TMEM220: variants seen among roughly 807,000 people sequenced by gnomAD.
TMEM220 encodes the protein transmembrane protein 220.
A neutral mutation model predicts 21.7 loss-of-function variants in TMEM220; 21 were observed. The observed-to-expected ratio is 0.97, with a 90% CI of 0.69 to 1.39. The LOEUF (loss-of-function observed/expected upper bound fraction) is 1.39. Among genes scored for constraint, TMEM220 ranks in the 40% most tolerant of loss-of-function variants. The pLI is 0.00. For synonymous variants in TMEM220, 80 were observed against 73.6 expected, an observed-to-expected ratio of 1.09 and a Z score of -0.45; for missense variants, 191 against 201.9, an observed-to-expected ratio of 0.95 and a Z score of 0.33.
chr17:10,711,740 G>T (rs1319424299), downstream of TMEM220, among the ~76,000 whole-genome samples: 1 of 152,186 alleles, frequency 6.6e-6, no homozygotes, highest in Non-Finnish European at 1.5e-5. Flanking sequence ...CACCTGGCCT[G>T]GTCTGTTTGG....
In TMEM220 at chr17:10,715,371, A is replaced by G. The variant is rs2074900168; in HGVS notation, c.*82T>C. On this transcript the variant is annotated 3_prime_UTR_variant, in exon 6 of 6. Transcript: ENST00000341871. Reference sequence around the variant, plus strand: ...AAACTATTAGCCCAAATTACCTGAAATAAACTCCTGGCTTGTTCCCCTAAT... The same window carrying G: ...AAACTATTAGCCCAAATTACCTGAAGTAAACTCCTGGCTTGTTCCCCTAAT... 3 of 1,377,220 alleles carry G rather than the reference A, an allele frequency of 2.2e-6. No individual in the cohort carries two copies. In the African/African-American group the frequency reaches 4.5e-5, roughly 21 times the overall value. The allele number at this position is 1,377,220 out of a possible 1,614,324, so 85.3% of individuals were successfully genotyped here. A position where few individuals can be genotyped will look rare whatever the true frequency, so the allele number is the denominator to read the frequency against.
At position 10,722,714 on chromosome 17, in the gene TMEM220, T is replaced by G. The variant is rs556251034; in HGVS notation, c.347+556A>C. On this transcript the variant is annotated intron_variant, in intron 5 of 5. Coordinates refer to ENST00000341871, the MANE Select transcript of TMEM220 (RefSeq NM_001004313.3). ...ACACGCACTTATATTGTCTTTGCTC[T>G]TCATTCTTTCGTGAATCTCTAAGTT... Among the ~76,000 whole-genome samples, 6 of 152,326 alleles carry G rather than the reference T, an allele frequency of 3.9e-5. No homozygotes were observed. The South Asian group carries it at 1.2e-3, about 32-fold the overall frequency.
At chr17:10,723,244 G>A (rs765444334) in intron 5 of TMEM220, 26 bp downstream of exon 5, 3 of 1,609,070 alleles carry the variant, frequency 1.9e-6, no homozygotes, top group Non-Finnish European at 2.6e-6. Flanking sequence ...CTCCCAAAGT[G>A]AAGATGTGAT....
chr17:10,715,624 A>G, intron 5 of TMEM220, 36 bp from the exon 6 acceptor site: 1 of 1,511,126 alleles, frequency 6.6e-7, no homozygotes, highest in Non-Finnish European at 8.8e-7. Flanking sequence ...AATAAAAATC[A>G]TGGATTGCTT....
chr17:10,728,575 T>G (rs1445696722), intron 2 of TMEM220, among the ~76,000 whole-genome samples: 1 of 152,186 alleles, frequency 6.6e-6, no homozygotes, highest in Non-Finnish European at 1.5e-5. Flanking sequence ...CCTCCCAGAG[T>G]GCTGAGATTG....
chr17:10,724,700 A>G (rs1347330693), intron 4 of TMEM220, among the ~76,000 whole-genome samples: 1 of 152,122 alleles, frequency 6.6e-6, no homozygotes, highest in Non-Finnish European at 1.5e-5. Flanking sequence ...GATCGGACTG[A>G]GTATTACTGT....
chr17:10,723,853 TA>T (rs1428532056), intron 4 of TMEM220, among the ~76,000 whole-genome samples: 1 of 152,204 alleles, frequency 6.6e-6, no homozygotes, highest in Non-Finnish European at 1.5e-5. Context: ...GGGGTGGGTA[TA>T]TGCTTCTATA....
rs2075105207 is a variant in TMEM220, at chr17:10,729,848, C to T, written c.4G>A (p.Ala2Thr). The T allele has an allele frequency of 3.0e-6, 4 of 1,355,266 alleles. No homozygotes were observed. Among genetic ancestry groups the T allele is most frequent in the South Asian group, 1.7e-5 (1 of 58,206 alleles). 84.0% of individuals were successfully genotyped at this position (1,355,266 alleles called of 1,614,324 possible). The change falls in exon 1 of 6, where the codon GCG becomes ACG. Residue 2 changes from alanine to threonine, a missense_variant. Physicochemically the swap from Ala to Thr is moderately conservative, Grantham distance 58. Transcript: ENST00000341871. ...TTGCAGGCCCGCCACAGCGCTGGCGCCATGGCTCGGAGAACACGGCGCGGG... is the reference window on the plus strand; with the variant it reads ...TTGCAGGCCCGCCACAGCGCTGGCGTCATGGCTCGGAGAACACGGCGCGGG... M[A>T]PALWRACNGL...
At chr17:10,718,826 T>G (rs958869733) in intron 5 of TMEM220, among the ~76,000 whole-genome samples, 4 of 152,248 alleles carry the variant, frequency 2.6e-5, no homozygotes, top group African/African-American at 7.2e-5. Context: ...CCTTTAAAAT[T>G]TGTTAGTACT....
rs1294711060 is a variant in TMEM220, at chr17:10,715,559, G to A, written c.377C>T (p.Ala126Val). ...GAAAAGTGTGATTACAATGGCAATA[G>A]CCAATTGAATTCTTCCACCAACTGG... ...KNPVGGRIQL[A>V]IAIVITLFPF... is the part of the protein sequence containing the mutation. The change falls in exon 6 of 6, where the codon GCT becomes GTT. Residue 126 changes from alanine (A) to valine (V), a missense_variant. Coordinates refer to ENST00000341871, the MANE Select transcript of TMEM220 (RefSeq NM_001004313.3). The A allele has an allele frequency of 3.1e-6, 5 of 1,595,540 alleles. No individual in the cohort carries two copies. The highest frequency in any genetic ancestry group is 1.7e-4 in the Middle Eastern group (1 of 6,042).
intron 5 of TMEM220, chr17:10,716,048 C>T (rs557931957): frequency 1.6e-6 from 1 of 633,808 alleles, no homozygotes; most frequent in Non-Finnish European, 2.9e-6. Flanking sequence ...CTCCCACCCC[C>T]CCATGTCCAC....
intron 1 of TMEM220, 118 bp from the exon 2 acceptor site, chr17:10,729,178 G>A: frequency 2.6e-6 from 3 of 1,173,068 alleles, no homozygotes; most frequent in South Asian, 2.6e-5. Flanking sequence ...AATAGGCATC[G>A]AGGGTACAAA....
chr17:10,712,533 C>T (rs2074861145), downstream of TMEM220, among the ~76,000 whole-genome samples: 1 of 152,172 alleles, frequency 6.6e-6, no homozygotes, highest in South Asian at 2.1e-4. Context: ...ATTAGACAGA[C>T]ATCCATGATT....
In TMEM220 at chr17:10,715,840, A is replaced by G. The variant is rs147382106; in HGVS notation, c.348-252T>C. ...AGAGAAGTCATTGATTAATTTGACA[A>G]TGTTAAAGTTGATCTTTTCCTAATG... On this transcript the variant is annotated intron_variant, in intron 5 of 5. Coordinates refer to ENST00000341871, the MANE Select transcript of TMEM220 (RefSeq NM_001004313.3). 9.3e-4 allele frequency among the ~76,000 whole-genome samples: 141 copies of G among 152,298 alleles called. 1 individual carries two copies. The East Asian group carries it at 0.022, about 24-fold the overall frequency.
At chr17:10,729,615 G>A (rs1036047932) in intron 1 of TMEM220, among the ~76,000 whole-genome samples, 165 bp downstream of exon 1, 12 of 152,168 alleles carry the variant, frequency 7.9e-5, no homozygotes, top group Non-Finnish European at 1.8e-4. Flanking sequence ...GCGTCTCTTA[G>A]ACGGGGGAGA....
At chr17:10,711,952 T>A (rs905302101), downstream of TMEM220, among the ~76,000 whole-genome samples, 4 of 152,256 alleles carry the variant, frequency 2.6e-5, no homozygotes, top group African/African-American at 9.6e-5. Context: ...TAAGCATGCC[T>A]GTTGAATACA....
In TMEM220 at chr17:10,715,461, C is replaced by T. The variant is rs1275149435; in HGVS notation, c.475G>A (p.Val159Ile). ...RSSWPTHCKT[V>I]I ...GAAGTTCTTGAATTTATTTAAATTA[C>T]TGTCTTGCAGTGAGTTGGCCAAGAG... is the stretch of plus-strand genomic sequence containing the variant. The change falls in exon 6 of 6, where the codon GTA (valine) becomes ATA (isoleucine). Residue 159 changes from valine (V) to isoleucine (I), a missense_variant. By Grantham distance (29) the Val-to-Ile change is conservative (BLOSUM62 3). Coordinates refer to ENST00000341871, the MANE Select transcript of TMEM220 (RefSeq NM_001004313.3). The T allele has an allele frequency of 3.8e-6, 6 of 1,579,212 alleles. No homozygotes were observed. The highest frequency in any genetic ancestry group is 4.3e-6 in the Non-Finnish European group (5 of 1,172,092).
At position 10,729,927 on chromosome 17, in the gene TMEM220, T is replaced by G. The variant is rs2075108040; in HGVS notation, c.-76A>C. On this transcript the variant is annotated 5_prime_UTR_variant, in exon 1 of 6. Coordinates refer to ENST00000341871, the MANE Select transcript of TMEM220 (RefSeq NM_001004313.3). The stretch of plus-strand genomic sequence containing the variant: ...TGAGTCCTGCCACGTACGGTCCGCC[T>G]TCCTCCTTGCGCGGAGGGACCGAGA... 2.4e-6 allele frequency: 3 copies of G among 1,247,482 alleles called. No individual in the cohort carries two copies. Among genetic ancestry groups the G allele is most frequent in the Non-Finnish European group, 3.0e-6 (3 of 994,344 alleles). 77.3% of individuals were successfully genotyped at this position (1,247,482 alleles called of 1,614,324 possible).
chr17:10,713,225 C>G (rs422313), downstream of TMEM220: 1 of 148,722 alleles, frequency 6.7e-6, no homozygotes, highest in Non-Finnish European at 1.5e-5. Flanking sequence ...GAACTGAGAT[C>G]GCGCCATTGC....
Sources: allele counts gnomAD v4.1 joint callset (sites outside exome capture counted in the v4.1 genomes callset), GRCh38; gene constraint gnomAD v4.1.1; transcripts MANE v1.5; gene names NCBI Gene and HGNC (gene_info 2026-07-23, HGNC 2026-07-21).